CREBBP: variants seen among roughly 807,000 people sequenced by gnomAD.
CREBBP encodes the protein CREB-binding protein.
CREBBP carries 19 observed loss-of-function variants against 265.0 expected under a neutral mutation model. The ratio of observed to expected loss-of-function variants is 0.07; its 90% CI spans 0.05 to 0.11. CREBBP has a LOEUF of 0.11. CREBBP is among the 10% of genes least tolerant of loss of function. CREBBP has a pLI of 1.00. For missense variants in CREBBP, 2,525 were observed against 3,219.0 expected (o/e 0.78, Z 5.22); for synonymous variants, 1,457 against 1,223.7 (o/e 1.19, Z -3.98).
At chr16:3,843,458 G>A (rs909022649) in intron 2 of CREBBP, among the ~76,000 whole-genome samples, 2 of 138,716 alleles carry the variant, frequency 1.4e-5, no homozygotes, top group Non-Finnish European at 3.0e-5. Flanking sequence ...ATCTCACTCT[G>A]TTGGTATGCT....
chr16:3,849,431 GTGTGTGTGTGT>G (rs2054753172), intron 2 of CREBBP, among the ~76,000 whole-genome samples: 193 of 14,448 alleles, frequency 0.013, 6 homozygotes, highest in East Asian at 0.027. Context: ...GTGTGTGTGT[GTGTGTGTGTGT>G]GTGTGTGTGT....
Position 3,849,421 on chromosome 16 carries a change from GTGTGTGTGTGTGTGT to G in CREBBP, c.798+861_798+875del, listed in dbSNP as rs2054744749. On this transcript the variant is annotated intron_variant, in intron 2 of 30. Transcript: ENST00000262367. ...TGTGTGTGTGTGTGTGTGTGTGTGT[GTGTGTGTGTGTGTGT>G]GTGTGTGTGTGTGTGTGTGTGTGTG... is the stretch of plus-strand genomic sequence containing the variant. 3.1e-3 allele frequency among the ~76,000 whole-genome samples: 27 copies of G among 8,580 alleles called. 1 individual carries two copies. The highest frequency in any genetic ancestry group is 3.8e-3 in the African/African-American group (26 of 6,858). 5.6% of individuals were successfully genotyped at this position (8,580 alleles called of 152,430 possible).
intron 30 of CREBBP, chr16:3,730,689 C>G (rs537878349): frequency 5.3e-6 from 1 of 187,844 alleles, no homozygotes; most frequent in African/African-American, 2.3e-5. Flanking sequence ...TGAGGAGGCT[C>G]CGGGTTGGCA....
Position 3,729,315 on chromosome 16 carries a change from G to T in CREBBP, c.5732C>A (p.Pro1911His), listed in dbSNP as rs2051846329. 6.4e-7 allele frequency: 1 copy of T among 1,560,164 alleles called. No homozygotes were observed. Among genetic ancestry groups the T allele is most frequent in the Non-Finnish European group, 8.6e-7 (1 of 1,158,256 alleles). The change falls in exon 31 of 31, where the codon CCC (proline) becomes CAC (histidine). Residue 1911 changes from proline to histidine, a missense_variant. Coordinates refer to ENST00000262367, the MANE Select transcript of CREBBP (RefSeq NM_004380.3). Reference sequence around the variant, plus strand: ...AGCTGGTGACATGCTCACGGGTGAGGGTTGGGGCTGGGCAGGGGGCTGCGG... The same window carrying T: ...AGCTGGTGACATGCTCACGGGTGAGTGTTGGGGCTGGGCAGGGGGCTGCGG... The part of the protein sequence containing the change: ...QTPQPPAQPQ[P>H]SPVSMSPAGF...
At chr16:3,757,140 C>T (rs1253592521) in intron 19 of CREBBP, 148 bp downstream of exon 19, 1 of 705,278 alleles carries the variant, frequency 1.4e-6, no homozygotes. Flanking sequence ...TCCCAAAGTG[C>T]TGGGATTACA....
At chr16:3,729,897 G>A (rs2151312911) in intron 30 of CREBBP, 23 bp from the exon 31 acceptor site, 1 of 1,599,276 alleles carries the variant, frequency 6.3e-7, no homozygotes, top group African/African-American at 1.3e-5. Context: ...AAAGGGGACA[G>A]GCCGGTGTCA....
chr16:3,834,472 T>C (rs1191059251), intron 2 of CREBBP, among the ~76,000 whole-genome samples: 10 of 152,078 alleles, frequency 6.6e-5, no homozygotes, highest in Non-Finnish European at 1.5e-4. Context: ...TGACTGTAAC[T>C]TTACAAAAAG....
intron 2 of CREBBP, among the ~76,000 whole-genome samples, chr16:3,818,308 T>TC (rs1555490617): frequency 7.8e-5 from 11 of 141,038 alleles, no homozygotes; most frequent in Non-Finnish European, 1.2e-4. Flanking sequence ...CTTTTCTTTT[T>TC]TTTTTTTTTT....
At chr16:3,785,036 T>C (rs2053353973) in intron 5 of CREBBP, among the ~76,000 whole-genome samples, 1 of 152,274 alleles carries the variant, frequency 6.6e-6, no homozygotes, top group South Asian at 2.1e-4. Flanking sequence ...AGAAGGTCTC[T>C]GCCATTTAAG....
intron 2 of CREBBP, among the ~76,000 whole-genome samples, chr16:3,845,704 G>T (rs1178086945): frequency 6.6e-6 from 1 of 151,794 alleles, no homozygotes; most frequent in Non-Finnish European, 1.5e-5. Flanking sequence ...TGGGCAACAT[G>T]GCAAAACCCC....
chr16:3,857,222 C>T (rs2054982183), intron 1 of CREBBP, among the ~76,000 whole-genome samples: 1 of 152,002 alleles, frequency 6.6e-6, no homozygotes, highest in Admixed American at 6.6e-5. Flanking sequence ...TTTTGTTTTT[C>T]ACTGGTCTGC....
chr16:3,775,731 G>A (rs2053122194), intron 11 of CREBBP, among the ~76,000 whole-genome samples: 1 of 152,188 alleles, frequency 6.6e-6, no homozygotes, highest in South Asian at 2.1e-4. Context: ...TTACCCAGAT[G>A]TGCTGGTAGG....
chr16:3,744,989 CT>C (rs1437321516), intron 22 of CREBBP, 28 bp from the exon 23 acceptor site: 1 of 1,525,276 alleles, frequency 6.6e-7, no homozygotes, highest in Non-Finnish European at 9.1e-7. Flanking sequence ...TATGATGAGA[CT>C]GTATATAATG....
At position 3,873,984 on chromosome 16, in the gene CREBBP, A is replaced by C. The variant is rs553088453; in HGVS notation, c.85+5848T>G. On this transcript the variant is annotated intron_variant, in intron 1 of 30. Transcript: ENST00000262367. ...CCCTGGGGAGGGAAGTGCTGGGAAGAGGGCCGTGGAAAGGCTCTGGAGTTC... is the reference window on the plus strand; with the variant it reads ...CCCTGGGGAGGGAAGTGCTGGGAAGCGGGCCGTGGAAAGGCTCTGGAGTTC... Among the ~76,000 whole-genome samples, 14 of 152,294 alleles carry C rather than the reference A, an allele frequency of 9.2e-5. No individual in the cohort carries two copies. In the East Asian group the frequency reaches 2.7e-3, roughly 29 times the overall value.
At position 3,770,878 on chromosome 16, in the gene CREBBP, G is replaced by A. The variant is rs145733598; in HGVS notation, c.2572C>T (p.Pro858Ser). 761 of 1,613,870 alleles carry A rather than the reference G, an allele frequency of 4.7e-4. 1 individual carries two copies. In the African/African-American group the frequency reaches 9.3e-3, roughly 20 times the overall value. The stretch of plus-strand genomic sequence containing the variant: ...ATGCCAGCAGCCGTGGAAGCAGGAG[G>A]CGGTGTTGGGTGCAGTGGTGACTGT... ...VTQSPLHPTP[P>S]PASTAAGMPS... Residue 858 changes from proline to serine, a missense_variant, in exon 14 of 31, where the codon CCT becomes TCT. Physicochemically the swap from Pro to Ser is moderately conservative, Grantham distance 74. Coordinates refer to ENST00000262367, the MANE Select transcript of CREBBP (RefSeq NM_004380.3).
At position 3,796,800 on chromosome 16, in the gene CREBBP, G is replaced by C. The variant is rs78136083; in HGVS notation, c.976-3174C>G. 1.5e-3 allele frequency among the ~76,000 whole-genome samples: 223 copies of C among 152,272 alleles called. 1 individual carries two copies. The highest frequency in any genetic ancestry group is 2.3e-3 in the Admixed American group (35 of 15,292). On this transcript the variant is annotated intron_variant, in intron 3 of 30. Transcript: ENST00000262367. Reference sequence around the variant, plus strand: ...TTGTTCTGTTATTTGTCTACCTCTGGATGGAGGACAAATGCACAGTTTAAT... The same window carrying C: ...TTGTTCTGTTATTTGTCTACCTCTGCATGGAGGACAAATGCACAGTTTAAT...
intron 3 of CREBBP, 25 bp from the exon 4 acceptor site, chr16:3,793,651 ATACTT>A (rs757715968): frequency 2.5e-6 from 4 of 1,610,232 alleles, no homozygotes; most frequent in Non-Finnish European, 2.5e-6. Context: ...AATAATAAAA[ATACTT>A]TAACCTCTCA....
At chr16:3,793,237 G>A (rs2053541490) in intron 4 of CREBBP, 149 bp downstream of exon 4, 1 of 1,039,264 alleles carries the variant, frequency 9.6e-7, no homozygotes, top group African/African-American at 1.6e-5. Context: ...TCGTCGCGTG[G>A]GGAACGTGAG....
chr16:3,784,796 A>C (rs1404126090), intron 5 of CREBBP, among the ~76,000 whole-genome samples: 1 of 152,206 alleles, frequency 6.6e-6, no homozygotes, highest in Non-Finnish European at 1.5e-5. Flanking sequence ...CTTACAGTGA[A>C]TGCCACTCCT....
Sources: allele counts gnomAD v4.1 joint callset (sites outside exome capture counted in the v4.1 genomes callset), GRCh38; gene constraint gnomAD v4.1.1; transcripts MANE v1.5; gene names NCBI Gene and HGNC (gene_info 2026-07-23, HGNC 2026-07-21).